SLC39A10: variants seen among roughly 807,000 people sequenced by gnomAD.
The protein encoded by SLC39A10 is zinc transporter ZIP10.
In SLC39A10, 13 loss-of-function variants were observed where a neutral mutation model predicts 65.1. That is an observed-to-expected ratio of 0.20 (90% CI 0.13 to 0.32). The LOEUF is 0.32. Among genes scored for constraint, SLC39A10 ranks in the 10% least tolerant of loss-of-function variants. The pLI, the probability that SLC39A10 is intolerant of heterozygous loss-of-function variation, is 1.00. For synonymous variants in SLC39A10, 321 were observed against 342.2 expected, an observed-to-expected ratio of 0.94 and a Z score of 0.68; for missense variants, 831 against 1,018.4, an observed-to-expected ratio of 0.82 and a Z score of 2.50.
intron 2 of SLC39A10, among the ~76,000 whole-genome samples, chr2:195,647,066 C>G (rs553693889): frequency 6.6e-6 from 1 of 152,068 alleles, no homozygotes; most frequent in Admixed American, 6.5e-5. Flanking sequence ...TTTTTAGAGT[C>G]TCTTATGATT....
In SLC39A10 at chr2:195,618,182, C is replaced by G. The variant is rs74700248; in HGVS notation, c.-12+11949C>G. ...CCTGGCCAACATGGTGAAACCGTGTCTCTACTAAAAATACAAAAATTAGCA... is the reference window on the plus strand; with the variant it reads ...CCTGGCCAACATGGTGAAACCGTGTGTCTACTAAAAATACAAAAATTAGCA... On this transcript the variant is annotated intron_variant, in intron 2 of 2. Coordinates refer to the SLC39A10 transcript ENST00000458054. Among the ~76,000 whole-genome samples the G allele has an allele frequency of 1.1e-4, 17 of 152,016 alleles. No homozygotes were observed. In the East Asian group the frequency reaches 3.3e-3, roughly 30 times the overall value.
In SLC39A10 at chr2:195,707,169, C is replaced by T. The variant is rs1691432576; in HGVS notation, c.1386+384C>T. Among the ~76,000 whole-genome samples the T allele has an allele frequency of 1.3e-5, 2 of 152,088 alleles. 1 individual carries two copies. Among genetic ancestry groups the T allele is most frequent in the South Asian group, 4.1e-4 (2 of 4,828 alleles). On this transcript the variant is annotated intron_variant, in intron 4 of 9. Transcript: ENST00000359634. ...ATCTTTGAGCGGGAGTAGGCAGATA[C>T]ACTCAGTGCGCTGTTTTACACTTAG... is the stretch of plus-strand genomic sequence containing the variant.
chr2:195,727,624 G>A (rs190611799), intron 8 of SLC39A10, among the ~76,000 whole-genome samples: 437 of 152,256 alleles, frequency 2.9e-3, no homozygotes, highest in Middle Eastern at 0.01. Flanking sequence ...TGAAGAAAGG[G>A]TAGAAGTTCG....
At chr2:195,732,845 G>C (rs77128202) in intron 9 of SLC39A10, among the ~76,000 whole-genome samples, 3,422 of 152,268 alleles carry the variant, frequency 0.022, 57 homozygotes, top group Non-Finnish European at 0.03. Context: ...TAGCACAAAA[G>C]CTGCCATAGA....
intron 5 of SLC39A10, among the ~76,000 whole-genome samples, chr2:195,709,205 A>G (rs1574298100): frequency 6.8e-6 from 1 of 147,406 alleles, no homozygotes; most frequent in Non-Finnish European, 1.5e-5. Context: ...GTATGTATGT[A>G]TGTATGTATG....
upstream of SLC39A10, among the ~76,000 whole-genome samples, chr2:195,655,673 T>C (rs553630573): frequency 6.6e-6 from 1 of 152,330 alleles, no homozygotes; most frequent in East Asian, 1.9e-4. Context: ...ATGGTGAGAC[T>C]TGAAACTAGG....
intron 1 of SLC39A10, chr2:195,658,161 C>T (rs2486): frequency 0.53 from 80,091 of 152,188 alleles, 21,628 homozygotes; most frequent in Non-Finnish European, 0.6. Flanking sequence ...CTTGCCTCTC[C>T]TGGGGTCCCT....
chr2:195,632,290 CTTTTTTTTT>C (rs202193660), intron 2 of SLC39A10, among the ~76,000 whole-genome samples: 6 of 69,224 alleles, frequency 8.7e-5, no homozygotes, highest in South Asian at 6.1e-4. Flanking sequence ...ATTCTACTTC[CTTTTTTTTT>C]TTTTTTTTTT....
chr2:195,695,561 T>C (rs1222605073), intron 3 of SLC39A10, among the ~76,000 whole-genome samples: 1 of 152,046 alleles, frequency 6.6e-6, no homozygotes, highest in Non-Finnish European at 1.5e-5. Flanking sequence ...GGACTCACAG[T>C]TTTTTTGGTG....
intron 2 of SLC39A10, among the ~76,000 whole-genome samples, chr2:195,619,403 G>A (rs1392263519): frequency 6.6e-6 from 1 of 152,222 alleles, no homozygotes; most frequent in Non-Finnish European, 1.5e-5. Context: ...CCAGACTGAG[G>A]AGTTAGCAGA....
intron 9 of SLC39A10, among the ~76,000 whole-genome samples, chr2:195,731,265 G>A (rs915944679): frequency 1.5e-4 from 23 of 152,140 alleles, no homozygotes; most frequent in African/African-American, 4.3e-4. Flanking sequence ...GACATTCTGC[G>A]TCAGGGCTGT....
At chr2:195,643,555 A>C (rs1384319814) in intron 2 of SLC39A10, among the ~76,000 whole-genome samples, 1 of 152,210 alleles carries the variant, frequency 6.6e-6, no homozygotes, top group African/African-American at 2.4e-5. Flanking sequence ...CACTTCTACT[A>C]GTAATTGAAT....
chr2:195,670,169 TA>T (rs1172100101), intron 1 of SLC39A10, among the ~76,000 whole-genome samples: 1 of 150,722 alleles, frequency 6.6e-6, no homozygotes, highest in African/African-American at 2.4e-5. Flanking sequence ...AAAAATAAAA[TA>T]AAAAAGTTTT....
rs751003275 is a variant in SLC39A10, at chr2:195,708,717, A to C, written c.1448A>C (p.His483Pro). 8 of 1,613,136 alleles carry C rather than the reference A, an allele frequency of 5.0e-6. No homozygotes were observed. The highest frequency in any genetic ancestry group is 4.0e-5 in the African/African-American group (3 of 75,052). The change falls in exon 5 of 10, where the codon CAT (histidine) becomes CCT (proline). Residue 483 changes from histidine to proline, a missense_variant. Around this residue, in one of 4 missense-constraint regions of SLC39A10, gnomAD observed 230 missense variants for 242.9 expected, o/e 0.95. Coordinates refer to ENST00000359634, the MANE Select transcript of SLC39A10 (RefSeq NM_020342.3). ...HAHGHGHSHG[H>P]ESNKFLEEYD... ...CATGGGCATGGACATTCTCATGGAC[A>C]TGAATCTAACAAGTTTTTGGAAGAA...
chr2:195,615,549 G>C (rs965435044), intron 2 of SLC39A10, among the ~76,000 whole-genome samples: 4 of 152,164 alleles, frequency 2.6e-5, no homozygotes, highest in Non-Finnish European at 4.4e-5. Context: ...TAGTTGGCTT[G>C]GGTTATGGCC....
At chr2:195,659,130 G>C (rs1689279770) in intron 1 of SLC39A10, among the ~76,000 whole-genome samples, 1 of 152,170 alleles carries the variant, frequency 6.6e-6, no homozygotes, top group Non-Finnish European at 1.5e-5. Flanking sequence ...CAGAGGTTAA[G>C]ATAAATCTTT....
chr2:195,661,224 G>A (rs1689383439), intron 1 of SLC39A10, among the ~76,000 whole-genome samples: 2 of 152,074 alleles, frequency 1.3e-5, no homozygotes, highest in Non-Finnish European at 1.5e-5. Flanking sequence ...TGCAATATCA[G>A]TATTTCAAAC....
intron 8 of SLC39A10, among the ~76,000 whole-genome samples, chr2:195,720,138 G>A (rs1691974466): frequency 6.6e-6 from 1 of 152,004 alleles, no homozygotes; most frequent in South Asian, 2.1e-4. Flanking sequence ...TGTTGGCCAG[G>A]CTGGTTTTGA....
intron 2 of SLC39A10, among the ~76,000 whole-genome samples, chr2:195,618,085 C>G (rs1688265217): frequency 6.6e-6 from 1 of 151,504 alleles, no homozygotes; most frequent in African/African-American, 2.4e-5. Context: ...GCCGGTGCCT[C>G]ACACCTGTAA....
Sources: allele counts gnomAD v4.1 joint callset (sites outside exome capture counted in the v4.1 genomes callset), GRCh38; gene constraint gnomAD v4.1.1; regional missense constraint gnomAD v4.1.1; transcripts MANE v1.5; gene names NCBI Gene and HGNC (gene_info 2026-07-23, HGNC 2026-07-21).